The following MTAP variants were observed in gnomAD, a reference collection of about 807,000 sequenced individuals.
MTAP encodes methylthioadenosine phosphorylase.
A neutral mutation model predicts 33.6 loss-of-function variants in MTAP; 33 were observed. That is an observed-to-expected ratio of 0.98 (90% CI 0.74 to 1.31). MTAP has a LOEUF of 1.31. MTAP is among the 40% of genes most tolerant of loss of function. The pLI is 0.00. For missense variants in MTAP, 367 were observed against 360.0 expected, an observed-to-expected ratio of 1.02 and a Z score of -0.16; for synonymous variants, 148 against 125.7, an observed-to-expected ratio of 1.18 and a Z score of -1.19.
rs553086599 is a variant in MTAP at position 21,818,569 on chromosome 9, C to A, written c.347+367C>A. ...TCTTGAATCAGGAGATCACCCGCCTCCGCCTCCCAAAGCGCAAAGTGCTGG... is the reference window on the plus strand; with the variant it reads ...TCTTGAATCAGGAGATCACCCGCCTACGCCTCCCAAAGCGCAAAGTGCTGG... On this transcript the variant is annotated intron_variant, in intron 4 of 7. Transcript: ENST00000644715. 1.2e-4 allele frequency among the ~76,000 whole-genome samples: 19 copies of A among 152,242 alleles called. No homozygotes were observed. The East Asian group carries it at 3.5e-3, about 28-fold the overall frequency.
intron 1 of MTAP, among the ~76,000 whole-genome samples, chr9:21,916,905 A>C (rs995121132): frequency 2.0e-5 from 3 of 152,218 alleles, no homozygotes; most frequent in African/African-American, 7.2e-5. Context: ...CGAGGAAATG[A>C]ATACGGAGGA....
At chr9:21,861,903 G>GT (rs11356405) in intron 7 of MTAP, 73 bp from the exon 8 acceptor site, 32,396 of 676,828 alleles carry the variant, frequency 0.048, no homozygotes, top group South Asian at 0.07. Context: ...ATCAAAATCT[G>GT]TTTTTTTTTT....
chr9:21,860,586 AGGAAACCCTTATTATTAGAATTAAAAG>A (rs1343078226), intron 7 of MTAP: 1 of 152,248 alleles, frequency 6.6e-6, no homozygotes, highest in Non-Finnish European at 1.5e-5. Context: ...ATAGAGATGC[AGGAAACCCTTATTATTAGAATTAAAAG>A]GGAAAAAATA....
At chr9:21,880,646 A>G (rs1033331258) in intron 1 of MTAP, among the ~76,000 whole-genome samples, 2 of 152,070 alleles carry the variant, frequency 1.3e-5, no homozygotes, top group South Asian at 2.1e-4. Context: ...ATATAATCCT[A>G]TTATAAATAT....
At chr9:21,917,626 T>C (rs1019195450) in intron 1 of MTAP, among the ~76,000 whole-genome samples, 1 of 152,200 alleles carries the variant, frequency 6.6e-6, no homozygotes, top group African/African-American at 2.4e-5. Context: ...AAAGGGAACA[T>C]CTTTACATTG....
downstream of MTAP, among the ~76,000 whole-genome samples, chr9:21,871,455 C>A (rs930059888): frequency 1.3e-5 from 2 of 152,154 alleles, no homozygotes; most frequent in Non-Finnish European, 2.9e-5. Context: ...TTTGCAAACA[C>A]CCTATTCTGT....
chr9:21,895,864 G>A (rs1224446198), intron 1 of MTAP, among the ~76,000 whole-genome samples: 1 of 152,182 alleles, frequency 6.6e-6, no homozygotes, highest in Non-Finnish European at 1.5e-5. Context: ...GCCTGCCTCT[G>A]TAGATTCCAC....
intron 1 of MTAP, among the ~76,000 whole-genome samples, chr9:21,896,959 A>G (rs1293985032): frequency 6.6e-6 from 1 of 152,230 alleles, no homozygotes; most frequent in Non-Finnish European, 1.5e-5. Flanking sequence ...ATCCCTGATG[A>G]ACATCGATGC....
At chr9:21,885,471 T>C (rs1818093651) in intron 1 of MTAP, among the ~76,000 whole-genome samples, 1 of 152,102 alleles carries the variant, frequency 6.6e-6, no homozygotes, top group Non-Finnish European at 1.5e-5. Flanking sequence ...CAGGTGTTGT[T>C]ACCTGAGGAT....
At chr9:21,891,956 G>C (rs1818207587) in intron 1 of MTAP, among the ~76,000 whole-genome samples, 1 of 152,166 alleles carries the variant, frequency 6.6e-6, no homozygotes, top group South Asian at 2.1e-4. Context: ...AGCCAGAAGA[G>C]AATGTGGCCT....
intron 4 of MTAP, among the ~76,000 whole-genome samples, chr9:21,832,790 G>A (rs539392400): frequency 6.6e-6 from 1 of 152,068 alleles, no homozygotes; most frequent in Non-Finnish European, 1.5e-5. Context: ...TCCCACTTAC[G>A]GCATACAGCA....
intron 1 of MTAP, among the ~76,000 whole-genome samples, chr9:21,885,446 A>G (rs375145069): frequency 2.0e-5 from 3 of 152,020 alleles, no homozygotes; most frequent in East Asian, 1.9e-4. Context: ...TTTTATTTCA[A>G]TAGTTTTTGG....
chr9:21,811,720 A>G, intron 1 of MTAP: 1 of 532,000 alleles, frequency 1.9e-6, no homozygotes, highest in Non-Finnish European at 3.8e-6. Flanking sequence ...TGTTGCTTTC[A>G]GCCTCGGTGA....
chr9:21,929,087 G>A (rs1818913207), intron 1 of MTAP, among the ~76,000 whole-genome samples: 1 of 151,952 alleles, frequency 6.6e-6, no homozygotes, highest in African/African-American at 2.4e-5. Flanking sequence ...TTCTGGGGGG[G>A]CCACTTCACT....
At chr9:21,819,614 C>T (rs926553663) in intron 4 of MTAP, among the ~76,000 whole-genome samples, 2 of 152,066 alleles carry the variant, frequency 1.3e-5, no homozygotes, top group Admixed American at 6.6e-5. Context: ...TGTGCATGTG[C>T]CTTTATAGCA....
chr9:21,833,047 T>C (rs13302653), intron 4 of MTAP, among the ~76,000 whole-genome samples: 35,081 of 152,050 alleles, frequency 0.23, 5,850 homozygotes, highest in African/African-American at 0.47. Flanking sequence ...ATGGTACCTG[T>C]TTATTGAGCA....
intron 1 of MTAP, among the ~76,000 whole-genome samples, chr9:21,902,943 A>G (rs1818415823): frequency 6.6e-6 from 1 of 152,254 alleles, no homozygotes; most frequent in Non-Finnish European, 1.5e-5. Context: ...ATAAATAAAA[A>G]CTGAAATTCC....
At chr9:21,889,850 C>T (rs1439395576) in intron 1 of MTAP, among the ~76,000 whole-genome samples, 1 of 152,150 alleles carries the variant, frequency 6.6e-6, no homozygotes, top group African/African-American at 2.4e-5. Flanking sequence ...TTGTTTAGTG[C>T]ACTGGTTTTC....
chr9:21,819,247 C>T (rs541532118), intron 4 of MTAP, among the ~76,000 whole-genome samples: 12 of 151,692 alleles, frequency 7.9e-5, no homozygotes, highest in East Asian at 5.8e-4. Flanking sequence ...CCCATTAACT[C>T]GTCATTTACA....
Sources: allele counts gnomAD v4.1 joint callset (sites outside exome capture counted in the v4.1 genomes callset), GRCh38; gene constraint gnomAD v4.1.1; transcripts MANE v1.5; gene names NCBI Gene and HGNC (gene_info 2026-07-23, HGNC 2026-07-21).